The following RBKS variants were observed in gnomAD, a reference collection of about 807,000 sequenced individuals.
RBKS encodes the protein ribokinase.
A neutral mutation model predicts 33.9 loss-of-function variants in RBKS; 33 were observed. That is an observed-to-expected ratio of 0.97 (90% CI 0.74 to 1.30). The LOEUF is 1.30. Ranked by LOEUF, RBKS falls within the 50% of genes most tolerant of loss-of-function variation. RBKS has a pLI of 0.00. For missense variants in RBKS, 361 were observed against 392.6 expected (o/e 0.92, Z 0.68); for synonymous variants, 125 against 143.0 (o/e 0.87, Z 0.90).
intron 1 of RBKS, among the ~76,000 whole-genome samples, chr2:27,883,331 C>T (rs1407172744): frequency 1.3e-5 from 2 of 152,088 alleles, no homozygotes; most frequent in African/African-American, 2.4e-5. Context: ...TCCCGAGTAG[C>T]TGGGACTACA....
intron 7 of RBKS, among the ~76,000 whole-genome samples, chr2:27,824,197 T>C (rs999888139): frequency 5.9e-5 from 9 of 152,226 alleles, no homozygotes; most frequent in Admixed American, 4.6e-4. Flanking sequence ...ATCCATGTCA[T>C]AGCATGAATC....
At chr2:27,888,445 C>T (rs986809951) in intron 1 of RBKS, among the ~76,000 whole-genome samples, 1 of 152,132 alleles carries the variant, frequency 6.6e-6, no homozygotes, top group Non-Finnish European at 1.5e-5. Flanking sequence ...TTTTCTTACT[C>T]TTCTGCCACT....
In RBKS at chr2:27,799,119, C is replaced by T. The variant is rs559372121; in HGVS notation, c.796-17331G>A. 1.1e-4 allele frequency among the ~76,000 whole-genome samples: 17 copies of T among 152,268 alleles called. No homozygotes were observed. In the South Asian group the frequency reaches 2.9e-3, roughly 26 times the overall value. ...TGAGGAGCACACACTGTCCCAGGAACGCCCTGTAGGAGGATGACAATGGAA... is the reference window on the plus strand; with the variant it reads ...TGAGGAGCACACACTGTCCCAGGAATGCCCTGTAGGAGGATGACAATGGAA... On this transcript the variant is annotated intron_variant, in intron 7 of 7. Coordinates refer to ENST00000302188, the MANE Select transcript of RBKS (RefSeq NM_022128.3).
intron 1 of RBKS, chr2:27,861,671 G>GGGT: frequency 3.1e-5 from 13 of 425,480 alleles, no homozygotes; most frequent in East Asian, 8.8e-5. Flanking sequence ...TTTGGGGGGG[G>GGGT]GGTGGAGTCT....
At chr2:27,865,998 A>G (rs1040995647) in intron 1 of RBKS, among the ~76,000 whole-genome samples, 2 of 152,068 alleles carry the variant, frequency 1.3e-5, no homozygotes, top group African/African-American at 2.4e-5. Context: ...ATTTACCCAT[A>G]TATTTACCAT....
chr2:27,822,985 C>G (rs1678240397), intron 7 of RBKS, among the ~76,000 whole-genome samples: 1 of 152,188 alleles, frequency 6.6e-6, no homozygotes, highest in Non-Finnish European at 1.5e-5. Flanking sequence ...GCAGGGATAA[C>G]TAATGTTATA....
intron 7 of RBKS, among the ~76,000 whole-genome samples, chr2:27,817,602 ACAAT>A (rs1678118378): frequency 6.6e-6 from 1 of 152,254 alleles, no homozygotes; most frequent in Admixed American, 6.5e-5. Flanking sequence ...CAGGAAACTT[ACAAT>A]CATGGTGGAA....
At chr2:27,798,669 G>A (rs932396352) in intron 7 of RBKS, among the ~76,000 whole-genome samples, 1 of 151,682 alleles carries the variant, frequency 6.6e-6, no homozygotes, top group Non-Finnish European at 1.5e-5. Flanking sequence ...CGTGGCCCCC[G>A]TGGCATCAAC....
chr2:27,873,646 T>C (rs1280790156), intron 1 of RBKS, among the ~76,000 whole-genome samples: 2 of 152,152 alleles, frequency 1.3e-5, no homozygotes, highest in Non-Finnish European at 2.9e-5. Flanking sequence ...GCTATAACAG[T>C]GTATGAATTG....
At chr2:27,829,725 G>A (rs1678384319) in intron 6 of RBKS, among the ~76,000 whole-genome samples, 1 of 152,134 alleles carries the variant, frequency 6.6e-6, no homozygotes, top group Admixed American at 6.5e-5. Flanking sequence ...CCAAAACCAG[G>A]TATTATATTG....
rs1558562905 is a variant in RBKS at position 27,890,237 on chromosome 2, G to A, written c.89+20C>T. The A allele has an allele frequency of 2.5e-6, 4 of 1,611,256 alleles. No homozygotes were observed. Among genetic ancestry groups the A allele is most frequent in the African/African-American group, 2.7e-5 (2 of 75,008 alleles). On this transcript the variant is annotated intron_variant, in intron 1 of 7. Transcript: ENST00000302188. The surrounding 1 kb of genome is among the most constrained non-coding windows in gnomAD (Gnocchi z 4.8). ...CCTCCTCCCCCGAGCCGCAGACTGA[G>A]TAACTGGCCCCGGACTAACCTGACC...
At chr2:27,821,719 C>T (rs974261261) in intron 7 of RBKS, among the ~76,000 whole-genome samples, 1 of 152,204 alleles carries the variant, frequency 6.6e-6, no homozygotes, top group Admixed American at 6.5e-5. Flanking sequence ...TCCAAAGGCA[C>T]TTTGAGTAGT....
intron 7 of RBKS, chr2:27,809,992 T>C: frequency 1.5e-6 from 2 of 1,304,276 alleles, no homozygotes; most frequent in Non-Finnish European, 2.0e-6. Flanking sequence ...ATTTATAATG[T>C]TTCTGCTTCT....
At chr2:27,820,674 A>T (rs1678185891) in intron 7 of RBKS, among the ~76,000 whole-genome samples, 1 of 151,934 alleles carries the variant, frequency 6.6e-6, no homozygotes, top group Non-Finnish European at 1.5e-5. Flanking sequence ...GGCCTCCCAA[A>T]GTGCTTGGAT....
chr2:27,787,904 A>G (rs1216686948), intron 7 of RBKS, among the ~76,000 whole-genome samples: 1 of 142,394 alleles, frequency 7.0e-6, no homozygotes, highest in Non-Finnish European at 1.5e-5. Flanking sequence ...ATAATGCATC[A>G]TGACCAAGTA....
chr2:27,828,224 A>T (rs189003481), intron 6 of RBKS, among the ~76,000 whole-genome samples: 96 of 152,320 alleles, frequency 6.3e-4, no homozygotes, highest in African/African-American at 2.2e-3. Context: ...GGTGAAATGT[A>T]GAGTGTTCAT....
At chr2:27,785,761 CAAA>C (rs534800572) in intron 7 of RBKS, among the ~76,000 whole-genome samples, 2 of 96,998 alleles carry the variant, frequency 2.1e-5, no homozygotes. Context: ...GACTCCATCT[CAAA>C]AAAAAAAAAA....
rs754211802 is a variant in RBKS at position 27,848,010 on chromosome 2, C to T, written c.286+24G>A. 5 of 1,299,422 alleles carry T rather than the reference C, an allele frequency of 3.8e-6. No homozygotes were observed. In the Admixed American group the frequency reaches 6.1e-5, roughly 16 times the overall value. 80.5% of individuals were successfully genotyped at this position (1,299,422 alleles called of 1,614,324 possible). A position where few individuals can be genotyped will look rare whatever the true frequency, so the allele number is the denominator to read the frequency against. On this transcript the variant is annotated intron_variant, in intron 3 of 7. Transcript: ENST00000302188. Reference sequence around the variant, plus strand: ...CACAGAAAAAAGCTATAAACACTAACTTTAAAAAAGGTGGGAATTTTACCT... The same window carrying T: ...CACAGAAAAAAGCTATAAACACTAATTTTAAAAAAGGTGGGAATTTTACCT...
rs1237413040 is a variant in RBKS at position 27,842,925 on chromosome 2, C to A, written c.514+142G>T. 1.7e-5 allele frequency: 10 copies of A among 588,114 alleles called. No individual in the cohort carries two copies. In the African/African-American group the frequency reaches 1.7e-4, roughly 10 times the overall value. 36.4% of individuals were successfully genotyped at this position (588,114 alleles called of 1,614,324 possible). ...CAAGGTTTTCTAACATTATCAAGAA[C>A]CACAAGACTGTGAATCTCACAGATG... is the stretch of plus-strand genomic sequence containing the variant. On this transcript the variant is annotated intron_variant, in intron 5 of 7. Coordinates refer to ENST00000302188, the MANE Select transcript of RBKS (RefSeq NM_022128.3).
Sources: gnomAD v4.1 joint callset for allele counts (sites outside exome capture counted in the v4.1 genomes callset) on GRCh38, gnomAD v4.1.1 for gene constraint, Gnocchi (gnomAD v3.1) non-coding constraint, MANE v1.5 for transcripts, NCBI Gene and HGNC (gene_info 2026-07-23, HGNC 2026-07-21) for gene names.